The following ANKRD10 variants were observed in gnomAD, a reference collection of about 807,000 sequenced individuals.
ANKRD10 encodes ankyrin repeat domain 10, also known as ankyrin repeat domain-containing protein 10.
A neutral mutation model predicts 27.0 loss-of-function variants in ANKRD10; 14 were observed. The ratio of observed to expected loss-of-function variants is 0.52; its 90% CI spans 0.34 to 0.81. The LOEUF is 0.81. ANKRD10 is among the 40% of genes least tolerant of loss of function. The pLI, the probability that ANKRD10 is intolerant of heterozygous loss-of-function variation, is 0.01. For synonymous variants in ANKRD10, 250 were observed against 224.5 expected (o/e 1.11, Z -1.01); for missense variants, 493 against 544.0 (o/e 0.91, Z 0.93).
chr13:110,907,885 A>C (rs2138884024), intron 2 of ANKRD10, among the ~76,000 whole-genome samples: 1 of 152,330 alleles, frequency 6.6e-6, no homozygotes, highest in South Asian at 2.1e-4. Context: ...CTAAAAAGGA[A>C]AAAAGGTCTT....
intron 2 of ANKRD10, among the ~76,000 whole-genome samples, chr13:110,908,332 T>C (rs562217932): frequency 2.6e-5 from 4 of 152,338 alleles, no homozygotes; most frequent in Non-Finnish European, 5.9e-5. Flanking sequence ...CTAGTCAATA[T>C]AGATTCACTA....
chr13:110,909,631 T>C (rs2065637321), intron 2 of ANKRD10, among the ~76,000 whole-genome samples: 1 of 152,200 alleles, frequency 6.6e-6, no homozygotes, highest in Non-Finnish European at 1.5e-5. Flanking sequence ...GGGGACAAAC[T>C]GCCTTATAAC....
At chr13:110,911,972 GA>G (rs2065726572) in intron 1 of ANKRD10, among the ~76,000 whole-genome samples, 1 of 152,302 alleles carries the variant, frequency 6.6e-6, no homozygotes, top group Admixed American at 6.5e-5. Flanking sequence ...CCCTATGGGG[GA>G]AAAAAGCCTA....
intron 1 of ANKRD10, among the ~76,000 whole-genome samples, chr13:110,914,262 C>A (rs1248427823): frequency 6.6e-6 from 1 of 152,186 alleles, no homozygotes; most frequent in Non-Finnish European, 1.5e-5. Flanking sequence ...ATTCCCCGCG[C>A]GCCTCTGACC....
chr13:110,915,065 C>T lies in ANKRD10; in HGVS notation c.-131G>A. 7.1e-7 allele frequency: 1 copy of T among 1,401,720 alleles called. No individual in the cohort carries two copies. The highest frequency in any genetic ancestry group is 9.2e-7 in the Non-Finnish European group (1 of 1,082,826). The allele number at this position is 1,401,720 out of a possible 1,614,324, so 86.8% of individuals were successfully genotyped here. A position where few individuals can be genotyped will look rare whatever the true frequency, so the allele number is the denominator to read the frequency against. ...GCGTCCCACAGGCTGCCGAGCGGAG[C>T]GCGCACAGAGGGGGCGGGGCGGGGC... On this transcript the variant is annotated 5_prime_UTR_variant, in exon 1 of 6. Coordinates refer to ENST00000267339, the MANE Select transcript of ANKRD10 (RefSeq NM_017664.4).
chr13:110,899,475 T>C (rs1219794206), intron 3 of ANKRD10, among the ~76,000 whole-genome samples: 2 of 152,216 alleles, frequency 1.3e-5, no homozygotes, highest in African/African-American at 2.4e-5. Flanking sequence ...CTACATCCAT[T>C]TGAAAAATCT....
At chr13:110,880,659 G>A (rs988172643) in intron 5 of ANKRD10, among the ~76,000 whole-genome samples, 5 of 152,198 alleles carry the variant, frequency 3.3e-5, no homozygotes, top group African/African-American at 1.2e-4. Flanking sequence ...TCATAAATCA[G>A]GTAGGGACTC....
chr13:110,914,477 C>CT, intron 1 of ANKRD10: 1 of 353,978 alleles, frequency 2.8e-6, no homozygotes, highest in Non-Finnish European at 4.8e-6. Context: ...CACATGCGCC[C>CT]TAGGCCCCTC....
In ANKRD10 at chr13:110,915,017, G is replaced by A. The variant is rs765052291; in HGVS notation, c.-83C>T. 1.4e-6 allele frequency: 2 copies of A among 1,469,630 alleles called. No homozygotes were observed. Among genetic ancestry groups the A allele is most frequent in the Admixed American group, 2.3e-5 (1 of 43,340 alleles). 91.0% of individuals were successfully genotyped at this position (1,469,630 alleles called of 1,614,324 possible). On this transcript the variant is annotated 5_prime_UTR_variant, in exon 1 of 6. Coordinates refer to ENST00000267339, the MANE Select transcript of ANKRD10 (RefSeq NM_017664.4). ...CGAGAAGCCGCCGCCGCAGCACAAA[G>A]GAACGAGACTAGCGCCGCGGTCGCG...
At chr13:110,901,492 A>C in intron 3 of ANKRD10, among the ~76,000 whole-genome samples, 1 of 152,176 alleles carries the variant, frequency 6.6e-6, no homozygotes. Context: ...GATTTAGCAA[A>C]CACTGGTTTT....
intron 4 of ANKRD10, among the ~76,000 whole-genome samples, chr13:110,892,436 A>AAAAAAAAAAAAAAAAAAAAAAAAAAAAAT (rs1555321016): frequency 1.4e-5 from 2 of 144,468 alleles, no homozygotes; most frequent in Admixed American, 6.9e-5. Context: ...AAAAAAAAAA[A>AAAAAAAAAAAAAAAAAAAAAAAAAAAAAT]TGGTGGGAGA....
At chr13:110,882,459 T>C (rs1043031832) in intron 5 of ANKRD10, among the ~76,000 whole-genome samples, 4 of 152,206 alleles carry the variant, frequency 2.6e-5, no homozygotes, top group Non-Finnish European at 4.4e-5. Context: ...ACAGGGTGTA[T>C]GGACTCGGCA....
At chr13:110,894,087 A>G in intron 3 of ANKRD10, 1 of 1,515,760 alleles carries the variant, frequency 6.6e-7, no homozygotes, top group Non-Finnish European at 9.1e-7. Context: ...TGAATAAAAT[A>G]GAGTAAGTTG....
At chr13:110,887,806 G>A (rs1439605762) in intron 4 of ANKRD10, among the ~76,000 whole-genome samples, 1 of 152,180 alleles carries the variant, frequency 6.6e-6, no homozygotes, top group Non-Finnish European at 1.5e-5. Context: ...TAACCCTTGA[G>A]AGGTGGCCAA....
intron 4 of ANKRD10, among the ~76,000 whole-genome samples, chr13:110,884,126 C>A (rs1365674453): frequency 7.3e-6 from 1 of 137,042 alleles, no homozygotes; most frequent in Admixed American, 7.1e-5. Flanking sequence ...TCAAATTCAG[C>A]AGATTTTTTT....
intron 2 of ANKRD10, among the ~76,000 whole-genome samples, chr13:110,906,580 G>A (rs147948486): frequency 2.0e-4 from 31 of 152,228 alleles, no homozygotes; most frequent in Non-Finnish European, 3.8e-4. Context: ...ATGCTAACCC[G>A]AGTCAACATC....
At chr13:110,903,633 C>G (rs917014054) in intron 3 of ANKRD10, 2 of 152,814 alleles carry the variant, frequency 1.3e-5, no homozygotes, top group Non-Finnish European at 1.5e-5. Flanking sequence ...TCCAAAAAAG[C>G]ACAACAATTT....
chr13:110,891,933 G>T (rs1039352538), intron 4 of ANKRD10, among the ~76,000 whole-genome samples: 1 of 139,822 alleles, frequency 7.2e-6, no homozygotes, highest in Non-Finnish European at 1.5e-5. Flanking sequence ...GGCTGGTCTC[G>T]AACTCCTGAG....
At chr13:110,885,130 G>C (rs1361405977) in intron 4 of ANKRD10, among the ~76,000 whole-genome samples, 5 of 152,122 alleles carry the variant, frequency 3.3e-5, no homozygotes, top group Non-Finnish European at 7.3e-5. Flanking sequence ...TTCAATGGTG[G>C]ATTTTAGTCT....
Sources: allele counts gnomAD v4.1 joint callset (sites outside exome capture counted in the v4.1 genomes callset), GRCh38; gene constraint gnomAD v4.1.1; transcripts MANE v1.5; gene names NCBI Gene and HGNC (gene_info 2026-07-23, HGNC 2026-07-21).